MAGEC3: variants seen among roughly 807,000 people sequenced by gnomAD.
The protein encoded by MAGEC3 is melanoma-associated antigen C3.
A neutral mutation model predicts 35.3 loss-of-function variants in MAGEC3; 34 were observed. The ratio of observed to expected loss-of-function variants is 0.96; its 90% CI spans 0.73 to 1.28. MAGEC3 has a LOEUF of 1.28. Ranked by LOEUF, MAGEC3 falls within the 50% of genes most tolerant of loss-of-function variation. MAGEC3 has a pLI of 0.00. For missense variants in MAGEC3, 561 were observed against 483.6 expected (o/e 1.16, Z -1.50); for synonymous variants, 202 against 185.6 (o/e 1.09, Z -0.72).
At chrX:141,854,277 G>C (rs759458177) in intron 1 of MAGEC3, among the ~76,000 whole-genome samples, 1 of 110,899 alleles carries the variant, frequency 9.0e-6, no homozygotes, top group African/African-American at 3.3e-5. Flanking sequence ...AATTATGGGA[G>C]ATAAACATTC....
chrX:141,843,647 A>T (rs1251091968), intron 1 of MAGEC3, among the ~76,000 whole-genome samples: 1 of 110,806 alleles, frequency 9.0e-6, no homozygotes, highest in African/African-American at 3.3e-5. Context: ...AAATTGAATG[A>T]CTCAAGAGCA....
At chrX:141,882,553 A>G (rs1477498419) in intron 4 of MAGEC3, among the ~76,000 whole-genome samples, 1 of 112,332 alleles carries the variant, frequency 8.9e-6, no homozygotes, top group Non-Finnish European at 1.9e-5. Flanking sequence ...AGGATGGTGA[A>G]TAGTTACATT....
intron 2 of MAGEC3, among the ~76,000 whole-genome samples, chrX:141,869,057 T>C (rs2017870371): frequency 9.2e-6 from 1 of 108,249 alleles, no homozygotes; most frequent in Admixed American, 1.0e-4. Context: ...AATTTTTTTT[T>C]GCATTTTTAG....
chrX:141,860,675 CTAAAT>C (rs1442617265), intron 1 of MAGEC3, among the ~76,000 whole-genome samples: 4 of 112,144 alleles, frequency 3.6e-5, no homozygotes, highest in African/African-American at 9.7e-5. Flanking sequence ...AGACATTATG[CTAAAT>C]TAAATAAACC....
At chrX:141,853,247 G>A (rs191890286) in intron 1 of MAGEC3, among the ~76,000 whole-genome samples, 2 of 111,266 alleles carry the variant, frequency 1.8e-5, no homozygotes, top group African/African-American at 6.5e-5. Flanking sequence ...CTAGGTTCCT[G>A]GTCAATCGTG....
chrX:141,894,004 G>A (rs2018063685), intron 4 of MAGEC3, among the ~76,000 whole-genome samples: 1 of 111,851 alleles, frequency 8.9e-6, no homozygotes, highest in Non-Finnish European at 1.9e-5. Flanking sequence ...GCAACAAGAG[G>A]AATTCTCATT....
chrX:141,893,389 T>C (rs1423539239), intron 4 of MAGEC3, among the ~76,000 whole-genome samples: 2 of 111,097 alleles, frequency 1.8e-5, no homozygotes, highest in Non-Finnish European at 3.8e-5. Context: ...TTCCGGAGGC[T>C]GAGGAGTTAG....
At chrX:141,879,049 A>G in intron 2 of MAGEC3, 126 bp from the exon 3 acceptor site, 2 of 779,566 alleles carry the variant, frequency 2.6e-6, no homozygotes, top group Non-Finnish European at 3.6e-6. Context: ...GAGGTGAAAG[A>G]CTCAGTTGCA....
intron 2 of MAGEC3, among the ~76,000 whole-genome samples, chrX:141,869,013 C>A (rs1183137703): frequency 2.7e-5 from 3 of 109,510 alleles, no homozygotes; most frequent in African/African-American, 1.0e-4. Flanking sequence ...TCCCGAGTAG[C>A]TGCGACTACA....
rs1162889365 is a variant in MAGEC3 at position 141,878,788 on chromosome X, C to T, written c.259-387C>T. Reference sequence around the variant, plus strand: ...TCAGAGATGCTAGCGCTTTTCACTTCGTCTTGGGGGGCGTCTCATGGAAAT... The same window carrying T: ...TCAGAGATGCTAGCGCTTTTCACTTTGTCTTGGGGGGCGTCTCATGGAAAT... On this transcript the variant is annotated intron_variant, in intron 2 of 7. Transcript: ENST00000298296. Among the ~76,000 whole-genome samples the T allele has an allele frequency of 4.5e-5, 5 of 111,882 alleles. 1 individual carries two copies. Among genetic ancestry groups the T allele is most frequent in the Admixed American group, 9.4e-5 (1 of 10,650 alleles).
At chrX:141,869,412 C>T (rs1478312736) in intron 2 of MAGEC3, among the ~76,000 whole-genome samples, 1 of 112,307 alleles carries the variant, frequency 8.9e-6, no homozygotes, top group African/African-American at 3.2e-5. Flanking sequence ...CAGGAGTATA[C>T]TTTGCTTAGT....
At position 141,892,441 on chromosome X, in the gene MAGEC3, A is replaced by G. The variant is rs568592079; in HGVS notation, c.910-2828A>G. ...AATTCTGGGACAAGTACATATAATT[A>G]CTTATAAGGAATGCATTTTAATGAG... On this transcript the variant is annotated intron_variant, in intron 4 of 7. Coordinates refer to ENST00000298296, the MANE Select transcript of MAGEC3 (RefSeq NM_138702.1). Among the ~76,000 whole-genome samples, 27 of 111,684 alleles carry G rather than the reference A, an allele frequency of 2.4e-4. No individual in the cohort carries two copies. The South Asian group carries it at 7.4e-3, about 31-fold the overall frequency.
intron 1 of MAGEC3, among the ~76,000 whole-genome samples, chrX:141,854,809 A>G (rs1244180822): frequency 8.9e-6 from 1 of 112,046 alleles, no homozygotes; most frequent in Non-Finnish European, 1.9e-5. Context: ...CAAGTCCAAA[A>G]TTGGGAAAGA....
intron 1 of MAGEC3, among the ~76,000 whole-genome samples, chrX:141,847,905 A>G (rs1372262048): frequency 1.8e-5 from 2 of 111,069 alleles, no homozygotes; most frequent in African/African-American, 6.5e-5. Flanking sequence ...AATACAGAAA[A>G]TCCATGCAGC....
intron 1 of MAGEC3, among the ~76,000 whole-genome samples, chrX:141,848,308 T>A (rs781338308): frequency 6.4e-5 from 7 of 109,657 alleles, no homozygotes; most frequent in African/African-American, 9.9e-5. Context: ...AAATGAAAGA[T>A]GTAGAAACAG....
At chrX:141,869,117 C>A (rs1157318816) in intron 2 of MAGEC3, among the ~76,000 whole-genome samples, 1 of 110,303 alleles carries the variant, frequency 9.1e-6, no homozygotes, top group Admixed American at 9.7e-5. Flanking sequence ...ATCTCCTGAT[C>A]TCGTAATCCA....
chrX:141,867,056 A>G (rs2017853905), intron 2 of MAGEC3, among the ~76,000 whole-genome samples: 1 of 110,801 alleles, frequency 9.0e-6, no homozygotes. Context: ...AACCACCACT[A>G]ATTTTCTCAA....
Position 141,896,286 on chromosome X carries a change from C to T in MAGEC3, c.1124-596C>T, listed in dbSNP as rs372782105. 107 of 393,479 alleles carry T rather than the reference C, an allele frequency of 2.7e-4. 1 individual carries two copies. In the South Asian group the frequency reaches 5.4e-3, roughly 20 times the overall value. The allele number at this position is 393,479 out of a possible 1,213,427, so 32.4% of individuals were successfully genotyped here. A position where few individuals can be genotyped will look rare whatever the true frequency, so the allele number is the denominator to read the frequency against. On this transcript the variant is annotated intron_variant, in intron 6 of 7. Transcript: ENST00000298296. ...AATATCAGGAGTCAAGGTGAGTGCA[C>T]GCCCTGACTGTGTACCAAGGGCCCT...
chrX:141,864,153 G>A (rs1404440772), intron 1 of MAGEC3, among the ~76,000 whole-genome samples: 3 of 109,476 alleles, frequency 2.7e-5, no homozygotes. Flanking sequence ...TCAGCTTTTG[G>A]AAGTATGAAT....
Sources: allele counts gnomAD v4.1 joint callset (sites outside exome capture counted in the v4.1 genomes callset), GRCh38; gene constraint gnomAD v4.1.1; transcripts MANE v1.5; gene names NCBI Gene and HGNC (gene_info 2026-07-23, HGNC 2026-07-21).